The following PTPRD variants were observed in gnomAD, a reference collection of about 807,000 sequenced individuals.
The protein encoded by PTPRD is protein tyrosine phosphatase receptor type D.
Under a neutral mutation model 214.5 loss-of-function variants are expected in PTPRD, and 34 were observed. The observed-to-expected ratio is 0.16, with a 90% CI of 0.12 to 0.21. The LOEUF is 0.21. PTPRD is among the 10% of genes least tolerant of loss of function. PTPRD has a pLI of 1.00. For missense variants in PTPRD, 2,545 were observed against 2,398.7 expected (o/e 1.06, Z -1.27); for synonymous variants, 1,128 against 845.7 (o/e 1.33, Z -5.79).
chr9:9,581,567 ACT>A (rs1174671666), intron 7 of PTPRD, among the ~76,000 whole-genome samples: 3 of 152,124 alleles, frequency 2.0e-5, no homozygotes, highest in Non-Finnish European at 4.4e-5. Context: ...CACATTATAA[ACT>A]CTCGATAAAT....
chr9:8,473,530 A>G (rs1591442284), intron 30 of PTPRD, among the ~76,000 whole-genome samples: 1 of 152,180 alleles, frequency 6.6e-6, no homozygotes, highest in Non-Finnish European at 1.5e-5. Flanking sequence ...CCAACTTCTC[A>G]AAGTCAGAAG....
chr9:9,828,842 G>C (rs928080666), intron 5 of PTPRD, among the ~76,000 whole-genome samples: 49 of 151,570 alleles, frequency 3.2e-4, no homozygotes, highest in Admixed American at 3.2e-3. Context: ...CTAGAAAGAA[G>C]ATAACCACAA....
intron 5 of PTPRD, among the ~76,000 whole-genome samples, chr9:9,920,879 GATGAA>G (rs2082358456): frequency 2.0e-5 from 3 of 152,090 alleles, no homozygotes; most frequent in African/African-American, 7.2e-5. Flanking sequence ...TATAACGCAG[GATGAA>G]CGAAGAAGGA....
intron 8 of PTPRD, among the ~76,000 whole-genome samples, chr9:9,458,477 G>C (rs941698514): frequency 6.6e-6 from 1 of 152,016 alleles, no homozygotes; most frequent in Admixed American, 6.6e-5. Flanking sequence ...TAATGAGTGT[G>C]CATGTCTTTA....
At chr9:8,543,281 A>C (rs1194744524) in intron 14 of PTPRD, among the ~76,000 whole-genome samples, 2 of 152,216 alleles carry the variant, frequency 1.3e-5, no homozygotes, top group African/African-American at 2.4e-5. Flanking sequence ...TCTAATTCTT[A>C]ACAAAGTGAC....
chr9:10,194,423 T>C (rs1228441374), intron 3 of PTPRD, among the ~76,000 whole-genome samples: 1 of 146,624 alleles, frequency 6.8e-6, no homozygotes, highest in African/African-American at 2.6e-5. Flanking sequence ...TATTTTGTAA[T>C]TGGCAGAATG....
At chr9:8,657,414 C>T (rs2154350921) in intron 12 of PTPRD, among the ~76,000 whole-genome samples, 1 of 152,166 alleles carries the variant, frequency 6.6e-6, no homozygotes, top group South Asian at 2.1e-4. Flanking sequence ...GGCTATTCAC[C>T]CACCTTGGCC....
intron 9 of PTPRD, among the ~76,000 whole-genome samples, chr9:9,260,299 A>G (rs1349174118): frequency 6.6e-6 from 1 of 151,884 alleles, no homozygotes; most frequent in Admixed American, 6.6e-5. Flanking sequence ...AGTGAGGCAC[A>G]TGATCTTGAC....
intron 3 of PTPRD, among the ~76,000 whole-genome samples, chr9:10,195,129 T>C (rs1441197324): frequency 1.3e-5 from 2 of 149,168 alleles, no homozygotes; most frequent in African/African-American, 2.5e-5. Context: ...TTTGTATTTT[T>C]AGTAGAGACA....
intron 3 of PTPRD, among the ~76,000 whole-genome samples, chr9:10,178,528 T>C (rs2099262659): frequency 6.6e-6 from 1 of 151,982 alleles, no homozygotes; most frequent in Non-Finnish European, 1.5e-5. Context: ...ATGAAAAATA[T>C]AATTGAGGAA....
intron 11 of PTPRD, among the ~76,000 whole-genome samples, chr9:8,894,820 T>C (rs1173317924): frequency 6.6e-6 from 1 of 152,136 alleles, no homozygotes; most frequent in Admixed American, 6.6e-5. Flanking sequence ...TAATTTAGAA[T>C]ATTTCATCAC....
intron 8 of PTPRD, among the ~76,000 whole-genome samples, chr9:9,502,944 G>A (rs1011688353): frequency 2.3e-4 from 35 of 151,834 alleles, no homozygotes; most frequent in African/African-American, 8.2e-4. Context: ...CTGCAAAGGA[G>A]TTAAAGTAAT....
chr9:9,048,937 A>G (rs148032371), intron 10 of PTPRD, among the ~76,000 whole-genome samples: 279 of 152,318 alleles, frequency 1.8e-3, no homozygotes, highest in Middle Eastern at 3.4e-3. Flanking sequence ...AAATATATGC[A>G]TCTACTATGT....
intron 12 of PTPRD, among the ~76,000 whole-genome samples, chr9:8,722,315 T>C (rs1482898718): frequency 1.3e-5 from 2 of 152,086 alleles, no homozygotes; most frequent in African/African-American, 2.4e-5. Context: ...CCCAGGAGAA[T>C]TGAGAAAATT....
intron 10 of PTPRD, among the ~76,000 whole-genome samples, chr9:9,152,139 T>G (rs1204800221): frequency 6.6e-6 from 1 of 152,226 alleles, no homozygotes; most frequent in African/African-American, 2.4e-5. Flanking sequence ...GGTCACTGGT[T>G]CACCCTTGCA....
chr9:9,678,480 G>A (rs1300780190), intron 7 of PTPRD, among the ~76,000 whole-genome samples: 1 of 151,724 alleles, frequency 6.6e-6, no homozygotes, highest in South Asian at 2.1e-4. Context: ...ACGATTCCCA[G>A]TTTATGTAAT....
intron 2 of PTPRD, among the ~76,000 whole-genome samples, chr9:10,569,384 T>C (rs947047182): frequency 6.6e-6 from 1 of 152,154 alleles, no homozygotes; most frequent in African/African-American, 2.4e-5. Context: ...CATATCTATT[T>C]CTTCTCCCTT....
chr9:9,212,758 A>C (rs1407219517), intron 9 of PTPRD, among the ~76,000 whole-genome samples: 2 of 152,116 alleles, frequency 1.3e-5, no homozygotes, highest in African/African-American at 2.4e-5. Context: ...GACGATTCCT[A>C]CTGAGAGAAC....
chr9:8,447,206 A>C (rs1239870444), intron 34 of PTPRD, among the ~76,000 whole-genome samples: 1 of 152,038 alleles, frequency 6.6e-6, no homozygotes, highest in East Asian at 1.9e-4. Flanking sequence ...CCTCTACTAC[A>C]GCTCCTCTCT....
Sources: allele counts gnomAD v4.1 joint callset (sites outside exome capture counted in the v4.1 genomes callset), GRCh38; gene constraint gnomAD v4.1.1; transcripts MANE v1.5; gene names NCBI Gene and HGNC (gene_info 2026-07-23, HGNC 2026-07-21).